TAF4B: variants seen among roughly 807,000 people sequenced by gnomAD.
The protein encoded by TAF4B is transcription initiation factor TFIID subunit 4B.
Under a neutral mutation model 86.4 loss-of-function variants are expected in TAF4B, and 38 were observed. The ratio of observed to expected loss-of-function variants is 0.44; its 90% CI spans 0.34 to 0.58. The LOEUF is 0.58. Ranked by LOEUF, TAF4B falls within the 20% of genes least tolerant of loss-of-function variation. TAF4B has a pLI of 0.02. For missense variants in TAF4B, 988 were observed against 1,027.6 expected, an observed-to-expected ratio of 0.96 and a Z score of 0.53; for synonymous variants, 388 against 391.2, an observed-to-expected ratio of 0.99 and a Z score of 0.10.
chr18:26,348,902 G>A (rs1306731865), intron 13 of TAF4B: 2 of 152,394 alleles, frequency 1.3e-5, no homozygotes, highest in African/African-American at 4.8e-5. Flanking sequence ...TTAATCATTT[G>A]TTTAAGCATT....
chr18:26,250,814 C>A (rs2055995803), intron 1 of TAF4B, among the ~76,000 whole-genome samples: 1 of 152,020 alleles, frequency 6.6e-6, no homozygotes, highest in South Asian at 2.1e-4. Flanking sequence ...AATCTAACAA[C>A]CTATCCTTAA....
chr18:26,251,957 T>C (rs1462988024), intron 1 of TAF4B, among the ~76,000 whole-genome samples: 1 of 152,192 alleles, frequency 6.6e-6, no homozygotes, highest in Admixed American at 6.5e-5. Context: ...AGTACTTAGT[T>C]GAAGAAAAGT....
Position 26,226,736 on chromosome 18 carries a change from C to A in TAF4B, c.-198C>A. On this transcript the variant is annotated 5_prime_UTR_variant, in exon 1 of 15. Transcript: ENST00000269142. The stretch of plus-strand genomic sequence containing the variant: ...CGGGGGCAGCCCAGGCTCGCGCGGA[C>A]GAGAGGAAGGTCCGGGACGCGCGTG... The A allele has an allele frequency of 2.3e-6, 1 of 441,000 alleles. No individual in the cohort carries two copies. Among genetic ancestry groups the A allele is most frequent in the African/African-American group, 2.1e-5 (1 of 48,706 alleles). 27.3% of individuals were successfully genotyped at this position (441,000 alleles called of 1,614,324 possible).
intron 1 of TAF4B, among the ~76,000 whole-genome samples, chr18:26,262,646 T>G (rs1462273516): frequency 1.3e-5 from 2 of 151,962 alleles, no homozygotes; most frequent in Non-Finnish European, 2.9e-5. Context: ...CCTCCACTAA[T>G]TTTTGTATTT....
chr18:26,336,352 G>C (rs1334266668), intron 13 of TAF4B, among the ~76,000 whole-genome samples: 4 of 152,136 alleles, frequency 2.6e-5, no homozygotes, highest in Non-Finnish European at 5.9e-5. Flanking sequence ...GCAGCAGCAG[G>C]TTATTTATGA....
intron 13 of TAF4B, among the ~76,000 whole-genome samples, chr18:26,347,947 A>C (rs753939500): frequency 6.6e-6 from 1 of 152,236 alleles, no homozygotes; most frequent in Non-Finnish European, 1.5e-5. Context: ...AAAGGGAAAG[A>C]TAGATCCCAA....
chr18:26,363,408 T>C (rs1204928660), intron 14 of TAF4B, among the ~76,000 whole-genome samples: 1 of 111,924 alleles, frequency 8.9e-6, no homozygotes, highest in African/African-American at 3.5e-5. Flanking sequence ...AGGCAGCGCG[T>C]GGTGGTGTGC....
intron 13 of TAF4B, among the ~76,000 whole-genome samples, chr18:26,349,586 C>T (rs1323616673): frequency 3.9e-5 from 6 of 152,188 alleles, no homozygotes; most frequent in Admixed American, 3.3e-4. Context: ...ATCTCATGCT[C>T]ATGGATCAGA....
rs1171773933 is a variant in TAF4B, at chr18:26,346,907, G to GTGTATATATATATATATA, written c.2317-10782_2317-10781insGTATATATATATATATAT. Among the ~76,000 whole-genome samples the GTGTATATATATATATATA allele has an allele frequency of 8.9e-4, 10 of 11,220 alleles. 3 individuals are homozygous for GTGTATATATATATATATA. Among genetic ancestry groups the GTGTATATATATATATATA allele is most frequent in the Non-Finnish European group, 2.6e-3 (10 of 3,904 alleles). 7.4% of individuals were successfully genotyped at this position (11,220 alleles called of 152,430 possible). Reference sequence around the variant, plus strand: ...TATATATATATATATATATGTGTGTGTATATATATATATATAGTTTTTTGT... The same window carrying GTGTATATATATATATATA: ...TATATATATATATATATATGTGTGTGTGTATATATATATATATATATATATATATATATAGTTTTTTGT... On this transcript the variant is annotated intron_variant, in intron 13 of 14. Transcript: ENST00000269142.
chr18:26,229,758 C>G (rs553806156), intron 1 of TAF4B, among the ~76,000 whole-genome samples: 3 of 152,218 alleles, frequency 2.0e-5, no homozygotes, highest in African/African-American at 7.2e-5. Context: ...CTGCTTCGGT[C>G]TCTCAGAGTG....
chr18:26,271,681 T>C (rs530710801), intron 3 of TAF4B, among the ~76,000 whole-genome samples: 1 of 152,068 alleles, frequency 6.6e-6, no homozygotes, highest in African/African-American at 2.4e-5. Context: ...CCCAGCACTT[T>C]GGGAGGCCTA....
chr18:26,255,840 C>G lies in TAF4B; in HGVS notation c.344-9330C>G. 6.5e-6 allele frequency: 9 copies of G among 1,374,462 alleles called. No individual in the cohort carries two copies. The South Asian group carries it at 9.3e-5, about 14-fold the overall frequency. 85.1% of individuals were successfully genotyped at this position (1,374,462 alleles called of 1,614,324 possible). On this transcript the variant is annotated intron_variant, in intron 1 of 14. Transcript: ENST00000269142. ...AAAACGGCCTTTATAGATGATCCCA[C>G]AACATGTCTTCTGTCTTTTCTAGTA...
intron 12 of TAF4B, among the ~76,000 whole-genome samples, chr18:26,333,853 T>G (rs2057070358): frequency 1.3e-5 from 2 of 152,102 alleles, no homozygotes. Flanking sequence ...AATTACTTTG[T>G]CTCCTTATAT....
Position 26,255,821 on chromosome 18 carries a change from G to T in TAF4B, c.344-9349G>T, listed in dbSNP as rs2056075665. 9 of 1,439,428 alleles carry T rather than the reference G, an allele frequency of 6.3e-6. No individual in the cohort carries two copies. The East Asian group carries it at 2.0e-4, about 33-fold the overall frequency. The allele number at this position is 1,439,428 out of a possible 1,614,324, so 89.2% of individuals were successfully genotyped here. ...TGTCAATGAGAACTTCCCCAAAACGGCCTTTATAGATGATCCCACAACATG... is the reference window on the plus strand; with the variant it reads ...TGTCAATGAGAACTTCCCCAAAACGTCCTTTATAGATGATCCCACAACATG... On this transcript the variant is annotated intron_variant, in intron 1 of 14. Transcript: ENST00000269142.
intron 8 of TAF4B, among the ~76,000 whole-genome samples, chr18:26,292,631 C>T (rs868403736): frequency 4.6e-5 from 7 of 152,148 alleles, no homozygotes; most frequent in African/African-American, 1.7e-4. Context: ...AAGCAATTCT[C>T]ATGTTCTCAC....
At chr18:26,277,370 G>A (rs1233897219) in intron 5 of TAF4B, among the ~76,000 whole-genome samples, 2 of 152,154 alleles carry the variant, frequency 1.3e-5, no homozygotes, top group Non-Finnish European at 2.9e-5. Flanking sequence ...ACGGGCATGA[G>A]CCACCGTGCC....
At chr18:26,346,881 A>ATATATATATATATATATGTG (rs1555623699) in intron 13 of TAF4B, among the ~76,000 whole-genome samples, 958 of 8,014 alleles carry the variant, frequency 0.12, 200 homozygotes, top group African/African-American at 0.18. Context: ...ATATGTGTAT[A>ATATATATATATATATATGTG]TATATATATA....
At chr18:26,245,350 T>C (rs2055906441) in intron 1 of TAF4B, among the ~76,000 whole-genome samples, 1 of 152,106 alleles carries the variant, frequency 6.6e-6, no homozygotes, top group Non-Finnish European at 1.5e-5. Context: ...TTAGAGCTCT[T>C]ACAGATGGCA....
In TAF4B at chr18:26,340,744, A is replaced by G. The variant is rs560789026; in HGVS notation, c.2316+5513A>G. Among the ~76,000 whole-genome samples, 5 of 152,278 alleles carry G rather than the reference A, an allele frequency of 3.3e-5. No homozygotes were observed. The East Asian group carries it at 7.7e-4, about 23-fold the overall frequency. ...AGATCACACTGAGAATCATTGATCT[A>G]GGATGAGAAAGAAGGGGGGCTTTAA... is the stretch of plus-strand genomic sequence containing the variant. On this transcript the variant is annotated intron_variant, in intron 13 of 14. Transcript: ENST00000269142.
Sources: gnomAD v4.1 joint callset for allele counts (sites outside exome capture counted in the v4.1 genomes callset) on GRCh38, gnomAD v4.1.1 for gene constraint, MANE v1.5 for transcripts, NCBI Gene and HGNC (gene_info 2026-07-23, HGNC 2026-07-21) for gene names.